The following ARHGAP19 variants were observed in gnomAD, a reference collection of about 807,000 sequenced individuals.
ARHGAP19 encodes the protein rho GTPase-activating protein 19.
ARHGAP19 carries 48 observed loss-of-function variants against 60.9 expected under a neutral mutation model. The ratio of observed to expected loss-of-function variants is 0.79; its 90% CI spans 0.62 to 1.00. The LOEUF (loss-of-function observed/expected upper bound fraction) is 1.00. Ranked by LOEUF, ARHGAP19 falls within the 50% of genes least tolerant of loss-of-function variation. ARHGAP19 has a pLI of 0.00. For synonymous variants in ARHGAP19, 209 were observed against 215.5 expected (o/e 0.97, Z 0.27); for missense variants, 562 against 597.2 (o/e 0.94, Z 0.61).
chr10:97,290,152 C>T (rs1843211734), intron 1 of ARHGAP19, among the ~76,000 whole-genome samples: 1 of 152,180 alleles, frequency 6.6e-6, no homozygotes. Context: ...CTATTTCACT[C>T]TATTAAATCT....
At chr10:97,290,683 T>C (rs1354550123) in intron 1 of ARHGAP19, among the ~76,000 whole-genome samples, 1 of 152,152 alleles carries the variant, frequency 6.6e-6, no homozygotes, top group Non-Finnish European at 1.5e-5. Flanking sequence ...CGTTTGTCTC[T>C]TCCAGAATTG....
At chr10:97,270,420 C>T (rs1842947083) in intron 1 of ARHGAP19, among the ~76,000 whole-genome samples, 1 of 152,152 alleles carries the variant, frequency 6.6e-6, no homozygotes, top group Non-Finnish European at 1.5e-5. Flanking sequence ...CCACTAATCC[C>T]TTTCCAAAGA....
In ARHGAP19 at chr10:97,264,853, A is replaced by G. The variant is rs1194911047; in HGVS notation, c.376T>C (p.Tyr126His). 2 of 1,613,376 alleles carry G rather than the reference A, an allele frequency of 1.2e-6. No individual in the cohort carries two copies. Among genetic ancestry groups the G allele is most frequent in the Admixed American group, 1.7e-5 (1 of 59,998 alleles). ...TTGTGTAGATACTCAATCAGTTGGT[A>G]TATCTGGGCAATGCCTTCCTCCGTC... ...PLTEEGIAQI[Y>H]QLIEYLHKNL... Residue 126 changes from tyrosine (Y) to histidine (H), a missense_variant, in exon 3 of 12, where the codon TAC (tyrosine) becomes CAC (histidine). By Grantham distance (83) the Tyr-to-His change is moderately conservative (BLOSUM62 2). Transcript: ENST00000358531.
chr10:97,246,857 G>A lies in ARHGAP19; in HGVS notation c.928-520C>T, dbSNP rs12251358. 1.5e-3 allele frequency among the ~76,000 whole-genome samples: 227 copies of A among 151,886 alleles called. 1 individual carries two copies. The highest frequency in any genetic ancestry group is 6.8e-3 in the Middle Eastern group (2 of 294). ...ACTCTACAAAAAATTACTAAAAAAT[G>A]GCCAGCACGGTGGCTCATGCCTGTA... On this transcript the variant is annotated intron_variant, in intron 6 of 11. Coordinates refer to ENST00000358531, the MANE Select transcript of ARHGAP19 (RefSeq NM_032900.6).
At chr10:97,267,664 G>A (rs934975146) in intron 1 of ARHGAP19, among the ~76,000 whole-genome samples, 1 of 152,218 alleles carries the variant, frequency 6.6e-6, no homozygotes, top group Non-Finnish European at 1.5e-5. Context: ...CTCAATTCTT[G>A]ACTTCTGTGC....
chr10:97,291,976 GGAA>G (rs1201256964), intron 1 of ARHGAP19, among the ~76,000 whole-genome samples: 2 of 152,130 alleles, frequency 1.3e-5, no homozygotes, highest in East Asian at 3.9e-4. Context: ...TGTTCTACTA[GGAA>G]GAAGAAAATC....
chr10:97,281,336 G>C (rs963803006), intron 1 of ARHGAP19, among the ~76,000 whole-genome samples: 1 of 152,138 alleles, frequency 6.6e-6, no homozygotes, highest in African/African-American at 2.4e-5. Context: ...AGGAGGTCAA[G>C]GCTGCAGTGA....
chr10:97,283,533 A>G (rs1843115679), intron 1 of ARHGAP19, among the ~76,000 whole-genome samples: 1 of 151,980 alleles, frequency 6.6e-6, no homozygotes, highest in Non-Finnish European at 1.5e-5. Flanking sequence ...CGGCCTGGGC[A>G]ACAGAGTGAG....
At chr10:97,280,982 T>A (rs1007849757) in intron 1 of ARHGAP19, among the ~76,000 whole-genome samples, 1 of 152,206 alleles carries the variant, frequency 6.6e-6, no homozygotes, top group African/African-American at 2.4e-5. Flanking sequence ...TCTATATTCA[T>A]TTGTTCCAAA....
chr10:97,228,925 T>TG (rs767604608), intron 11 of ARHGAP19: 6 of 651,718 alleles, frequency 9.2e-6, no homozygotes, highest in Non-Finnish European at 1.7e-5. Flanking sequence ...AGGGACCATG[T>TG]GGGTCTGTGT....
intron 1 of ARHGAP19, among the ~76,000 whole-genome samples, chr10:97,288,115 A>G (rs1843179380): frequency 6.6e-6 from 1 of 152,194 alleles, no homozygotes; most frequent in Admixed American, 6.5e-5. Flanking sequence ...AGCATTTGTA[A>G]TTATTAGGAG....
At chr10:97,229,357 A>G (rs1850960647) in intron 10 of ARHGAP19, 132 bp from the exon 11 acceptor site, 18 of 759,930 alleles carry the variant, frequency 2.4e-5, no homozygotes, top group Non-Finnish European at 4.0e-5. Context: ...TTTATATCTC[A>G]TTAATCTTAA....
intron 1 of ARHGAP19, chr10:97,270,582 C>G (rs1184934566): frequency 1.3e-6 from 2 of 1,535,638 alleles, no homozygotes; most frequent in Non-Finnish European, 1.8e-6. Flanking sequence ...TACTAAAGTT[C>G]AAGAAAATAA....
intron 5 of ARHGAP19, chr10:97,258,564 T>G (rs367606519): frequency 6.6e-6 from 1 of 152,630 alleles, no homozygotes; most frequent in Non-Finnish European, 1.5e-5. Context: ...ATAGGTAACA[T>G]CGCTGGTGTG....
intron 1 of ARHGAP19, among the ~76,000 whole-genome samples, chr10:97,269,250 A>T (rs1842934175): frequency 6.6e-6 from 1 of 152,146 alleles, no homozygotes; most frequent in Admixed American, 6.5e-5. Flanking sequence ...TAAACTTCAA[A>T]ATTCGTCTCT....
intron 5 of ARHGAP19, 30 bp from the exon 6 acceptor site, chr10:97,256,434 G>T (rs1842753557): frequency 6.7e-7 from 1 of 1,492,930 alleles, no homozygotes; most frequent in South Asian, 1.1e-5. Flanking sequence ...CCAAACAATG[G>T]ACATTAAGAG....
chr10:97,279,476 T>G (rs751374833), intron 1 of ARHGAP19, among the ~76,000 whole-genome samples: 46 of 109,000 alleles, frequency 4.2e-4, no homozygotes, highest in Non-Finnish European at 1.9e-4. Flanking sequence ...TTGCTTGCTT[T>G]TGTGTGTGTG....
Position 97,292,620 on chromosome 10 carries a change from G to A in ARHGAP19, c.8C>T (p.Thr3Ile), listed in dbSNP as rs1052632675. MA[T>I]EAQSEGEVPA... Reference sequence around the variant, plus strand: ...CACCTCCCCTTCACTCTGTGCCTCAGTCGCCATCTTCGTCAGCAAACTTCT... The same window carrying A: ...CACCTCCCCTTCACTCTGTGCCTCAATCGCCATCTTCGTCAGCAAACTTCT... The change falls in exon 1 of 12, where the codon ACT (threonine) becomes ATT (isoleucine). Residue 3 changes from threonine (T) to isoleucine (I), a missense_variant. Physicochemically the swap from Thr to Ile is moderately conservative, Grantham distance 89. Coordinates refer to ENST00000358531, the MANE Select transcript of ARHGAP19 (RefSeq NM_032900.6). 6 of 1,614,070 alleles carry A rather than the reference G, an allele frequency of 3.7e-6. No individual in the cohort carries two copies. The African/African-American group carries it at 8.0e-5, about 22-fold the overall frequency.
intron 8 of ARHGAP19, among the ~76,000 whole-genome samples, chr10:97,237,220 AAT>A (rs1842394573): frequency 7.4e-4 from 4 of 5,390 alleles, no homozygotes; most frequent in Non-Finnish European, 4.8e-3. Context: ...AGCTGAGATC[AAT>A]CACGTCATTC....
Sources: allele counts gnomAD v4.1 joint callset (sites outside exome capture counted in the v4.1 genomes callset), GRCh38; gene constraint gnomAD v4.1.1; transcripts MANE v1.5; gene names NCBI Gene and HGNC (gene_info 2026-07-23, HGNC 2026-07-21).